The following ANKRD44 variants were observed in gnomAD, a reference collection of about 807,000 sequenced individuals.
ANKRD44 encodes the protein serine/threonine-protein phosphatase 6 regulatory ankyrin repeat subunit B.
In ANKRD44, 35 loss-of-function variants were observed where a neutral mutation model predicts 116.0. That is an observed-to-expected ratio of 0.30 (90% CI 0.23 to 0.40). The LOEUF is 0.40. ANKRD44 is among the 10% of genes least tolerant of loss of function. ANKRD44 has a pLI of 1.00. For missense variants in ANKRD44, 1,014 were observed against 1,242.6 expected, an observed-to-expected ratio of 0.82 and a Z score of 2.77; for synonymous variants, 435 against 461.8, an observed-to-expected ratio of 0.94 and a Z score of 0.74.
At chr2:197,169,276 C>T (rs2080170624) in intron 2 of ANKRD44, among the ~76,000 whole-genome samples, 1 of 152,180 alleles carries the variant, frequency 6.6e-6, no homozygotes. Context: ...TCACTGCCAC[C>T]TCAAGAGACC....
At chr2:197,309,975 C>T (rs1395787640) in intron 1 of ANKRD44, among the ~76,000 whole-genome samples, 1 of 152,200 alleles carries the variant, frequency 6.6e-6, no homozygotes, top group African/African-American at 2.4e-5. Flanking sequence ...GAGCCGACTT[C>T]ACCTCCTCCT....
intron 9 of ANKRD44, among the ~76,000 whole-genome samples, chr2:197,104,037 A>T (rs749100307): frequency 3.3e-5 from 5 of 152,248 alleles, no homozygotes; most frequent in Non-Finnish European, 7.3e-5. Flanking sequence ...CATTGAGGGC[A>T]TACCCAAATC....
At chr2:197,066,129 T>G (rs1372465476) in intron 16 of ANKRD44, among the ~76,000 whole-genome samples, 1 of 152,154 alleles carries the variant, frequency 6.6e-6, no homozygotes, top group African/African-American at 2.4e-5. Flanking sequence ...GCAAGGCTGG[T>G]TCAGTATACA....
At chr2:196,989,738 T>A in intron 27 of ANKRD44, 89 bp from the exon 28 acceptor site, 1 of 1,526,548 alleles carries the variant, frequency 6.6e-7, no homozygotes. Flanking sequence ...AATCACCCAT[T>A]TCTACTTTCT....
intron 1 of ANKRD44, among the ~76,000 whole-genome samples, chr2:197,267,249 C>T (rs988774807): frequency 6.6e-6 from 1 of 152,226 alleles, no homozygotes; most frequent in African/African-American, 2.4e-5. Flanking sequence ...TTCAAGGATG[C>T]TCTCAGTGTC....
chr2:197,170,424 T>C (rs2080205498), intron 2 of ANKRD44, among the ~76,000 whole-genome samples: 1 of 152,170 alleles, frequency 6.6e-6, no homozygotes, highest in Non-Finnish European at 1.5e-5. Context: ...TTGTCAGACT[T>C]GTTCTGGACT....
chr2:197,237,601 C>T (rs1247102151), intron 1 of ANKRD44, among the ~76,000 whole-genome samples: 2 of 152,196 alleles, frequency 1.3e-5, no homozygotes, highest in African/African-American at 2.4e-5. Context: ...ACCCCATAAA[C>T]GTCTAAATGA....
rs180792990 is a variant in ANKRD44 at position 197,196,731 on chromosome 2, A to G, written c.28-9625T>C. Among the ~76,000 whole-genome samples, 843 of 152,326 alleles carry G rather than the reference A, an allele frequency of 5.5e-3. 16 individuals are homozygous for G. The highest frequency in any genetic ancestry group is 3.2e-3 in the Non-Finnish European group (215 of 68,022). ...AGATTGGGTTTGTCTAAAATCTGTT[A>G]GCACCTGGGTTCTTTCCAAACACCA... is the stretch of plus-strand genomic sequence containing the variant. On this transcript the variant is annotated intron_variant, in intron 1 of 27. Coordinates refer to ENST00000282272, the MANE Select transcript of ANKRD44 (RefSeq NM_001195144.2).
At chr2:197,158,424 C>T (rs1320316863) in intron 2 of ANKRD44, among the ~76,000 whole-genome samples, 2 of 152,204 alleles carry the variant, frequency 1.3e-5, no homozygotes, top group Non-Finnish European at 2.9e-5. Context: ...TACGGCCCCA[C>T]CACAGGCTCA....
intron 2 of ANKRD44, among the ~76,000 whole-genome samples, chr2:197,154,965 T>A (rs13406574): frequency 0.14 from 21,506 of 152,168 alleles, 1,722 homozygotes; most frequent in Middle Eastern, 0.19. Context: ...TCTAAACATG[T>A]TCAAATTATG....
intron 10 of ANKRD44, among the ~76,000 whole-genome samples, chr2:197,095,822 G>C (rs1019544417): frequency 1.3e-5 from 2 of 152,174 alleles, no homozygotes; most frequent in African/African-American, 4.8e-5. Context: ...AGTGCCCAGA[G>C]GGAAGCACTC....
chr2:197,121,944 G>T (rs981874144), intron 7 of ANKRD44, among the ~76,000 whole-genome samples: 1 of 152,162 alleles, frequency 6.6e-6, no homozygotes, highest in Admixed American at 6.5e-5. Flanking sequence ...CAGAGGAAGT[G>T]GCTGCGGAGA....
chr2:197,069,347 T>C (rs2077511949), intron 16 of ANKRD44, among the ~76,000 whole-genome samples: 1 of 152,082 alleles, frequency 6.6e-6, no homozygotes, highest in Non-Finnish European at 1.5e-5. Flanking sequence ...ATACCTAATG[T>C]AAATGATGAG....
intron 1 of ANKRD44, among the ~76,000 whole-genome samples, chr2:197,295,558 T>G (rs1462213700): frequency 2.0e-5 from 3 of 152,216 alleles, no homozygotes; most frequent in African/African-American, 7.2e-5. Context: ...ATATGTGTCC[T>G]GTGGATAGTA....
At position 196,989,074 on chromosome 2, in the gene ANKRD44, T is replaced by C; in HGVS notation, c.*517A>G. 1 of 984,988 alleles carries C rather than the reference T, an allele frequency of 1.0e-6. No individual in the cohort carries two copies. The highest frequency in any genetic ancestry group is 1.2e-6 in the Non-Finnish European group (1 of 829,944). 61.0% of individuals were successfully genotyped at this position (984,988 alleles called of 1,614,324 possible). A position where few individuals can be genotyped will look rare whatever the true frequency, so the allele number is the denominator to read the frequency against. On this transcript the variant is annotated 3_prime_UTR_variant, in exon 28 of 28. Coordinates refer to ENST00000282272, the MANE Select transcript of ANKRD44 (RefSeq NM_001195144.2). ...GAGGGTCATCTGGAAACCTTAGCAG[T>C]GGAAATGCTAGGTTTGGCCCTTGGG...
chr2:197,137,647 A>G (rs1470386999), intron 3 of ANKRD44, among the ~76,000 whole-genome samples: 1 of 152,220 alleles, frequency 6.6e-6, no homozygotes, highest in Non-Finnish European at 1.5e-5. Flanking sequence ...TGCCATCAAC[A>G]GCATTAATCA....
chr2:197,251,658 CT>C (rs1553540353), intron 1 of ANKRD44, among the ~76,000 whole-genome samples: 1 of 152,142 alleles, frequency 6.6e-6, no homozygotes, highest in Non-Finnish European at 1.5e-5. Flanking sequence ...TGTTCTTACT[CT>C]TTGCCCATTA....
intron 16 of ANKRD44, among the ~76,000 whole-genome samples, chr2:197,039,674 TGTGTGC>T (rs61428877): frequency 0.13 from 11,371 of 89,548 alleles, 544 homozygotes; most frequent in Admixed American, 0.22. Flanking sequence ...TGATTGTGTG[TGTGTGC>T]GTGTGTGTGT....
At chr2:197,041,970 G>A (rs1459343828) in intron 16 of ANKRD44, among the ~76,000 whole-genome samples, 1 of 151,644 alleles carries the variant, frequency 6.6e-6, no homozygotes, top group Non-Finnish European at 1.5e-5. Context: ...ATTTAGGTAA[G>A]ATATCTATTG....
Sources: gnomAD v4.1 joint callset for allele counts (sites outside exome capture counted in the v4.1 genomes callset) on GRCh38, gnomAD v4.1.1 for gene constraint, MANE v1.5 for transcripts, NCBI Gene and HGNC (gene_info 2026-07-23, HGNC 2026-07-21) for gene names.